CD28: variants seen among roughly 807,000 people sequenced by gnomAD.
CD28 encodes T-cell-specific surface glycoprotein CD28.
In CD28, 8 loss-of-function variants were observed where a neutral mutation model predicts 21.4. That is an observed-to-expected ratio of 0.37 (90% CI 0.22 to 0.68). The LOEUF (loss-of-function observed/expected upper bound fraction) is 0.68. Ranked by LOEUF, CD28 falls within the 30% of genes least tolerant of loss-of-function variation. The probability of loss-of-function intolerance (pLI) is 0.55; values close to 1 mark genes in which losing one functional copy is unlikely to be tolerated. For missense variants in CD28, 239 were observed against 272.2 expected, an observed-to-expected ratio of 0.88 and a Z score of 0.86; for synonymous variants, 106 against 104.0, an observed-to-expected ratio of 1.02 and a Z score of -0.12.
At chr2:203,713,015 A>G (rs1248173334) in intron 1 of CD28, among the ~76,000 whole-genome samples, 1 of 152,190 alleles carries the variant, frequency 6.6e-6, no homozygotes, top group East Asian at 1.9e-4. Context: ...AAGTATGTAA[A>G]TCCAGATGGT....
chr2:203,720,238 T>C (rs1693570873), intron 1 of CD28, among the ~76,000 whole-genome samples: 1 of 152,134 alleles, frequency 6.6e-6, no homozygotes, highest in African/African-American at 2.4e-5. Context: ...TAGTGCTTCC[T>C]GTCTCCACAC....
At chr2:203,714,845 T>C (rs529350111) in intron 1 of CD28, among the ~76,000 whole-genome samples, 1 of 152,318 alleles carries the variant, frequency 6.6e-6, no homozygotes, top group South Asian at 2.1e-4. Flanking sequence ...TCCTAAATGC[T>C]GCTAATGTGC....
chr2:203,706,497 T>C, upstream of CD28: 1 of 1,505,986 alleles, frequency 6.6e-7, no homozygotes, highest in Non-Finnish European at 9.0e-7. Flanking sequence ...AACAACGTTA[T>C]ATCCTGTGTG....
chr2:203,706,821 T>A (rs1693169779), intron 1 of CD28, 73 bp downstream of exon 1: 1 of 1,158,810 alleles, frequency 8.6e-7, no homozygotes, highest in African/African-American at 1.5e-5. Flanking sequence ...TTATTTTAAA[T>A]TTCTAACAAT....
Position 203,736,145 on chromosome 2 carries a change from T to C in CD28, c.*1233T>C, listed in dbSNP as rs1694027939. The C allele has an allele frequency of 6.6e-6, 1 of 152,670 alleles. No homozygotes were observed. Among genetic ancestry groups the C allele is most frequent in the South Asian group, 2.1e-4 (1 of 4,826 alleles). The allele number at this position is 152,670 out of a possible 1,614,324, so 9.5% of individuals were successfully genotyped here. A position where few individuals can be genotyped will look rare whatever the true frequency, so the allele number is the denominator to read the frequency against. On this transcript the variant is annotated 3_prime_UTR_variant, in exon 4 of 4. Transcript: ENST00000324106. ...TTTCATATGTTTCAGGGTTGCACAGTTGGTCTCTTTAATGTCGGTGTGGAG... is the reference window on the plus strand; with the variant it reads ...TTTCATATGTTTCAGGGTTGCACAGCTGGTCTCTTTAATGTCGGTGTGGAG...
At position 203,710,256 on chromosome 2, in the gene CD28, A is replaced by G. The variant is rs548230982; in HGVS notation, c.52+3508A>G. 5.3e-5 allele frequency among the ~76,000 whole-genome samples: 8 copies of G among 152,344 alleles called. No individual in the cohort carries two copies. The South Asian group carries it at 1.7e-3, about 32-fold the overall frequency. ...TCAAGTAAATTTGATGGATATTTCA[A>G]AAGTATAGGCATTGCTTAAGGATTT... On this transcript the variant is annotated intron_variant, in intron 1 of 3. Coordinates refer to ENST00000324106, the MANE Select transcript of CD28 (RefSeq NM_006139.4).
rs1424958891 is a variant in CD28 at position 203,738,724 on chromosome 2, C to T, written c.*3812C>T. On this transcript the variant is annotated 3_prime_UTR_variant, in exon 4 of 4. Coordinates refer to ENST00000324106, the MANE Select transcript of CD28 (RefSeq NM_006139.4). ...CATCTTCTCCCCTAGTTAAACTACC[C>T]CACACCCTGTCTGCTTTCCTTGCTT... 1 of 152,162 alleles carries T rather than the reference C, an allele frequency of 6.6e-6. No individual in the cohort carries two copies. Among genetic ancestry groups the T allele is most frequent in the Non-Finnish European group, 1.5e-5 (1 of 68,030 alleles). 9.4% of individuals were successfully genotyped at this position (152,162 alleles called of 1,614,324 possible).
intron 1 of CD28, among the ~76,000 whole-genome samples, chr2:203,722,137 G>T (rs1693618560): frequency 6.6e-6 from 1 of 152,100 alleles, no homozygotes; most frequent in Non-Finnish European, 1.5e-5. Context: ...CATTAAAACA[G>T]AATCCAAATA....
chr2:203,729,810 C>G (rs1259300123), intron 3 of CD28, 38 bp downstream of exon 3: 1 of 1,603,188 alleles, frequency 6.2e-7, no homozygotes, highest in East Asian at 2.2e-5. Context: ...AACTTTTCCA[C>G]TGCACATGAA....
chr2:203,729,578 G>A, intron 2 of CD28, 70 bp from the exon 3 acceptor site: 2 of 1,468,184 alleles, frequency 1.4e-6, no homozygotes, highest in Non-Finnish European at 1.9e-6. Context: ...TTTCTCTGAT[G>A]TTCACAAGGA....
rs539043890 is a variant in CD28, at chr2:203,732,252, C to T, written c.534+2480C>T. 7.9e-5 allele frequency among the ~76,000 whole-genome samples: 12 copies of T among 152,102 alleles called. No individual in the cohort carries two copies. The South Asian group carries it at 1.0e-3, about 13-fold the overall frequency. ...GGGTTGAGTGGGTTTCTAGGCTGAG[C>T]GGGTTTCTGGGAGCAGCTGCAGATT... On this transcript the variant is annotated intron_variant, in intron 3 of 3. Coordinates refer to ENST00000324106, the MANE Select transcript of CD28 (RefSeq NM_006139.4).
At chr2:203,714,241 C>A (rs1457652919) in intron 1 of CD28, among the ~76,000 whole-genome samples, 1 of 152,176 alleles carries the variant, frequency 6.6e-6, no homozygotes, top group Non-Finnish European at 1.5e-5. Flanking sequence ...TACATGCCTT[C>A]TCTCTGAAGA....
At chr2:203,709,146 T>C (rs1693245721) in intron 1 of CD28, among the ~76,000 whole-genome samples, 1 of 151,840 alleles carries the variant, frequency 6.6e-6, no homozygotes, top group Non-Finnish European at 1.5e-5. Flanking sequence ...TCTAATCAAA[T>C]AGTGCAAAGC....
intron 1 of CD28, among the ~76,000 whole-genome samples, chr2:203,710,282 G>C (rs1693276732): frequency 6.6e-6 from 1 of 152,154 alleles, no homozygotes; most frequent in African/African-American, 2.4e-5. Flanking sequence ...TTAAGGATTT[G>C]TTTTACTCTA....
chr2:203,731,061 T>C (rs1693877253), intron 3 of CD28, among the ~76,000 whole-genome samples: 1 of 152,222 alleles, frequency 6.6e-6, no homozygotes, highest in Non-Finnish European at 1.5e-5. Context: ...GATGGACATT[T>C]GTCAGGCTGC....
At position 203,736,900 on chromosome 2, in the gene CD28, C is replaced by G. The variant is rs1259095022; in HGVS notation, c.*1988C>G. The G allele has an allele frequency of 6.6e-6, 1 of 152,154 alleles. No individual in the cohort carries two copies. Among genetic ancestry groups the G allele is most frequent in the Non-Finnish European group, 1.5e-5 (1 of 68,036 alleles). The allele number at this position is 152,154 out of a possible 1,614,324, so 9.4% of individuals were successfully genotyped here. ...GACATTTAGTAGCATGCCCGACATA[C>G]AATGTTAGCTATTGGTATTATTGCC... On this transcript the variant is annotated 3_prime_UTR_variant, in exon 4 of 4. Transcript: ENST00000324106.
Position 203,729,764 on chromosome 2 carries a change from A to G in CD28, c.526A>G (p.Ile176Val). 1 of 1,613,320 alleles carries G rather than the reference A, an allele frequency of 6.2e-7. No homozygotes were observed. Among genetic ancestry groups the G allele is most frequent in the South Asian group, 1.1e-5 (1 of 90,924 alleles). Residue 176 changes from isoleucine (I) to valine (V), a missense_variant, in exon 3 of 4, where the codon ATT becomes GTT. Coordinates refer to ENST00000324106, the MANE Select transcript of CD28 (RefSeq NM_006139.4). Reference protein sequence around the residue: ...YSLLVTVAFIIFWVRSKRSRL... With the variant: ...YSLLVTVAFIVFWVRSKRSRL... ...CTTGCTAGTAACAGTGGCCTTTATT[A>G]TTTTCTGGGTAAGAGAAGCAGCACT...
rs1490840789 is a variant in CD28, at chr2:203,736,149, T to A, written c.*1237T>A. On this transcript the variant is annotated 3_prime_UTR_variant, in exon 4 of 4. Transcript: ENST00000324106. ...ATATGTTTCAGGGTTGCACAGTTGG[T>A]CTCTTTAATGTCGGTGTGGAGATCC... 1 of 152,708 alleles carries A rather than the reference T, an allele frequency of 6.5e-6. No individual in the cohort carries two copies. The highest frequency in any genetic ancestry group is 1.5e-5 in the Non-Finnish European group (1 of 68,088). The allele number at this position is 152,708 out of a possible 1,614,324, so 9.5% of individuals were successfully genotyped here.
intron 3 of CD28, among the ~76,000 whole-genome samples, chr2:203,730,438 C>T (rs1693858196): frequency 6.6e-6 from 1 of 152,102 alleles, no homozygotes; most frequent in Admixed American, 6.5e-5. Context: ...GAATTTTTGG[C>T]CTGGGTTTGA....
Sources: gnomAD v4.1 joint callset for allele counts (sites outside exome capture counted in the v4.1 genomes callset) on GRCh38, gnomAD v4.1.1 for gene constraint, MANE v1.5 for transcripts, NCBI Gene and HGNC (gene_info 2026-07-23, HGNC 2026-07-21) for gene names.